Variants in PRKN observed in about 807,000 individuals in gnomAD.
PRKN encodes the protein E3 ubiquitin-protein ligase parkin.
In PRKN, 56 loss-of-function variants were observed where a neutral mutation model predicts 59.5. That is an observed-to-expected ratio of 0.94 (90% confidence interval 0.76 to 1.18). PRKN has a LOEUF of 1.18. Among genes scored for constraint, PRKN ranks in the 50% most tolerant of loss-of-function variants. PRKN has a pLI of 0.00. For synonymous variants in PRKN, 250 were observed against 222.1 expected (o/e 1.13, Z -1.12); for missense variants, 657 against 596.4 (o/e 1.10, Z -1.06).
At chr6:161,368,526 G>C (rs2114886944) in intron 10 of PRKN, among the ~76,000 whole-genome samples, 1 of 151,274 alleles carries the variant, frequency 6.6e-6, no homozygotes, top group Non-Finnish European at 1.5e-5. Flanking sequence ...CTGCAATCCA[G>C]ACTAGGCGAC....
intron 5 of PRKN, among the ~76,000 whole-genome samples, chr6:162,014,087 C>T (rs969293453): frequency 6.6e-6 from 1 of 152,116 alleles, no homozygotes; most frequent in Non-Finnish European, 1.5e-5. Context: ...CCCCCTCGTA[C>T]CTCCCATTCA....
intron 1 of PRKN, among the ~76,000 whole-genome samples, chr6:162,460,394 A>G (rs1791096227): frequency 6.6e-6 from 1 of 152,226 alleles, no homozygotes; most frequent in African/African-American, 2.4e-5. Context: ...AGTTACTGCT[A>G]AAGGGAAGTG....
In PRKN at chr6:162,330,903, T is replaced by A. The variant is rs992887905; in HGVS notation, c.172-68138A>T. ...CAACAGCCCACCTAAAGCCACTGAG[T>A]GGGTGGGAGGCAGGTGAGTGACTGC... On this transcript the variant is annotated intron_variant, in intron 2 of 11. Coordinates refer to ENST00000366898, the MANE Select transcript of PRKN (RefSeq NM_004562.3). Among the ~76,000 whole-genome samples, 7 of 152,208 alleles carry A rather than the reference T, an allele frequency of 4.6e-5. No individual in the cohort carries two copies. In the South Asian group the frequency reaches 6.2e-4, roughly 14 times the overall value.
At chr6:162,344,285 A>G (rs1431027067) in intron 2 of PRKN, among the ~76,000 whole-genome samples, 6 of 152,132 alleles carry the variant, frequency 3.9e-5, no homozygotes, top group Non-Finnish European at 7.4e-5. Context: ...TGCAATCTCA[A>G]ATCGTCTACA....
At chr6:162,530,947 C>T (rs373086493) in intron 1 of PRKN, among the ~76,000 whole-genome samples, 3 of 150,992 alleles carry the variant, frequency 2.0e-5, no homozygotes, top group African/African-American at 7.3e-5. Flanking sequence ...GTCCCAGTTA[C>T]TTGGTAGCCT....
At chr6:162,443,926 A>G (rs1790184060) in intron 1 of PRKN, among the ~76,000 whole-genome samples, 1 of 152,190 alleles carries the variant, frequency 6.6e-6, no homozygotes, top group African/African-American at 2.4e-5. Context: ...AAGCTGCTCT[A>G]TAGACCAGAG....
chr6:162,428,194 A>C (rs1789335784), intron 2 of PRKN, among the ~76,000 whole-genome samples: 3 of 152,200 alleles, frequency 2.0e-5, no homozygotes, highest in African/African-American at 7.2e-5. Context: ...CAGACTTGCA[A>C]AAGAACAAGC....
intron 6 of PRKN, among the ~76,000 whole-genome samples, chr6:161,960,202 T>C (rs1780330037): frequency 6.6e-6 from 1 of 152,190 alleles, no homozygotes; most frequent in South Asian, 2.1e-4. Context: ...CACTTCATCC[T>C]TACAATAACT....
chr6:162,675,015 AAAG>A (rs916772932), intron 1 of PRKN, among the ~76,000 whole-genome samples: 12 of 146,406 alleles, frequency 8.2e-5, no homozygotes, highest in African/African-American at 2.8e-4. Context: ...GGCGGCAGAG[AAAG>A]AAGACTTTAT....
intron 6 of PRKN, among the ~76,000 whole-genome samples, chr6:161,858,711 A>G (rs1793756450): frequency 6.6e-6 from 1 of 151,958 alleles, no homozygotes; most frequent in Non-Finnish European, 1.5e-5. Flanking sequence ...TCCTTATTCT[A>G]ACCCATGCTC....
rs1433123448 is a variant in PRKN, at chr6:161,875,203, A to ATTTT, written c.735-89299_735-89296dup. 4.7e-3 allele frequency among the ~76,000 whole-genome samples: 684 copies of ATTTT among 144,374 alleles called. 8 individuals carry two copies. Among genetic ancestry groups the ATTTT allele is most frequent in the African/African-American group, 0.017 (623 of 37,484 alleles). 94.7% of individuals were successfully genotyped at this position (144,374 alleles called of 152,430 possible). ...TATGTGTGTGTGTATATATGTATACATTTTTTTCTGAGACAGAGTCTCACT... is the reference window on the plus strand; with the variant it reads ...TATGTGTGTGTGTATATATGTATACATTTTTTTTTTTCTGAGACAGAGTCTCACT... On this transcript the variant is annotated intron_variant, in intron 6 of 11. Coordinates refer to ENST00000366898, the MANE Select transcript of PRKN (RefSeq NM_004562.3).
At chr6:162,718,061 T>C (rs1778795382) in intron 1 of PRKN, among the ~76,000 whole-genome samples, 1 of 152,218 alleles carries the variant, frequency 6.6e-6, no homozygotes, top group African/African-American at 2.4e-5. Context: ...TGGCCCCTAA[T>C]GCTATCTAGT....
intron 7 of PRKN, among the ~76,000 whole-genome samples, chr6:161,665,994 C>T (rs985108254): frequency 6.6e-6 from 1 of 152,154 alleles, no homozygotes; most frequent in Non-Finnish European, 1.5e-5. Flanking sequence ...CTGGGGGCAG[C>T]GTGTGGAGCT....
rs1787748869 is a variant in PRKN, at chr6:161,414,486, C to T, written c.1084-27609G>A. 6.6e-6 allele frequency among the ~76,000 whole-genome samples: 1 copy of T among 152,216 alleles called. No individual in the cohort carries two copies. The highest frequency in any genetic ancestry group is 6.5e-5 in the Admixed American group (1 of 15,282). The stretch of plus-strand genomic sequence containing the variant: ...CCACTCTCAAATGTTCTCTGATCTC[C>T]TGTTCGAAGCAAATAACAGAGTGCT... On this transcript the variant is annotated intron_variant, in intron 9 of 11. Transcript: ENST00000366898. The surrounding 1 kb of genome is among the most constrained non-coding windows in gnomAD (Gnocchi z 5.3).
chr6:162,342,717 T>C (rs1282435628), intron 2 of PRKN, among the ~76,000 whole-genome samples: 5 of 152,178 alleles, frequency 3.3e-5, no homozygotes, highest in Non-Finnish European at 7.3e-5. Context: ...TGTGTTGTCA[T>C]TTGCCGCATG....
At chr6:162,460,819 A>G (rs562177191) in intron 1 of PRKN, among the ~76,000 whole-genome samples, 1 of 152,284 alleles carries the variant, frequency 6.6e-6, no homozygotes, top group East Asian at 1.9e-4. Flanking sequence ...TAAATATCTC[A>G]CAGTTGCTGT....
intron 6 of PRKN, among the ~76,000 whole-genome samples, chr6:161,882,716 C>G (rs1794983440): frequency 6.6e-6 from 1 of 152,078 alleles, no homozygotes. Context: ...TAAGATACAA[C>G]TCCACGGCTG....
At chr6:161,933,950 CT>C (rs779537527) in intron 6 of PRKN, among the ~76,000 whole-genome samples, 4 of 152,366 alleles carry the variant, frequency 2.6e-5, no homozygotes, top group Non-Finnish European at 4.4e-5. Flanking sequence ...AAGTACACCA[CT>C]TGGAGAGTGA....
intron 6 of PRKN, among the ~76,000 whole-genome samples, chr6:161,871,057 GA>G (rs1794321984): frequency 6.7e-6 from 1 of 149,600 alleles, no homozygotes; most frequent in Non-Finnish European, 1.5e-5. Flanking sequence ...GATGAGGAGA[GA>G]GAGAGAGAAA....
Sources: gnomAD v4.1 joint callset for allele counts (sites outside exome capture counted in the v4.1 genomes callset) on GRCh38, gnomAD v4.1.1 for gene constraint, Gnocchi (gnomAD v3.1) non-coding constraint, MANE v1.5 for transcripts, NCBI Gene and HGNC (gene_info 2026-07-23, HGNC 2026-07-21) for gene names.